GPC5: variants seen among roughly 807,000 people sequenced by gnomAD.
GPC5 encodes the protein glypican 5.
GPC5 carries 47 observed loss-of-function variants against 53.9 expected under a neutral mutation model. The ratio of observed to expected loss-of-function variants is 0.87; its 90% CI spans 0.69 to 1.11. The LOEUF (loss-of-function observed/expected upper bound fraction) is 1.11, where lower values mean the gene tolerates loss of function less well. Among genes scored for constraint, GPC5 ranks in the 50% most tolerant of loss-of-function variants. GPC5 has a pLI of 0.00. For missense variants in GPC5, 748 were observed against 713.1 expected, an observed-to-expected ratio of 1.05 and a Z score of -0.56; for synonymous variants, 286 against 263.3, an observed-to-expected ratio of 1.09 and a Z score of -0.84.
chr13:91,608,892 T>C (rs1299857218), intron 2 of GPC5, among the ~76,000 whole-genome samples: 1 of 151,094 alleles, frequency 6.6e-6, no homozygotes, highest in Non-Finnish European at 1.5e-5. Context: ...CCTTTGATCA[T>C]AGGGAAGGTA....
intron 7 of GPC5, among the ~76,000 whole-genome samples, chr13:92,432,688 T>C (rs1361387080): frequency 6.6e-6 from 1 of 152,092 alleles, no homozygotes; most frequent in Non-Finnish European, 1.5e-5. Context: ...AACTAGTTTT[T>C]TTTTAGCTTC....
intron 7 of GPC5, among the ~76,000 whole-genome samples, chr13:92,572,317 T>G (rs1410353664): frequency 6.6e-6 from 1 of 152,214 alleles, no homozygotes; most frequent in Non-Finnish European, 1.5e-5. Context: ...AATGACCTTC[T>G]TTGTCAGGAA....
chr13:91,577,451 G>T (rs559848987), intron 2 of GPC5, among the ~76,000 whole-genome samples: 1 of 152,144 alleles, frequency 6.6e-6, no homozygotes, highest in African/African-American at 2.4e-5. Flanking sequence ...CCTTGCAGAA[G>T]AGCCCTAGGG....
At chr13:92,441,960 C>T (rs1460088193) in intron 7 of GPC5, among the ~76,000 whole-genome samples, 1 of 152,090 alleles carries the variant, frequency 6.6e-6, no homozygotes, top group Non-Finnish European at 1.5e-5. Flanking sequence ...GCAGTCAGGA[C>T]CATATACTTG....
intron 7 of GPC5, among the ~76,000 whole-genome samples, chr13:92,266,932 A>G (rs2042806287): frequency 1.3e-5 from 2 of 152,074 alleles, no homozygotes; most frequent in Admixed American, 1.3e-4. Flanking sequence ...GAGCACTGCA[A>G]AAACAGAAGT....
rs1385604333 is a variant in GPC5, at chr13:92,724,190, CTACTTCTTCAGTA to C, written c.1562-142089_1562-142077del. 4.0e-5 allele frequency among the ~76,000 whole-genome samples: 6 copies of C among 151,484 alleles called. No individual in the cohort carries two copies. In the East Asian group the frequency reaches 1.2e-3, roughly 29 times the overall value. On this transcript the variant is annotated intron_variant, in intron 7 of 7. Coordinates refer to ENST00000377067, the MANE Select transcript of GPC5 (RefSeq NM_004466.6). ...TTCTAGGTCAAAAAATAAATTAAGGCTACTTCTTCAGTATAAGATATTTTTCTCAAAAATAAGT... is the reference window on the plus strand; with the variant it reads ...TTCTAGGTCAAAAAATAAATTAAGGCTAAGATATTTTTCTCAAAAATAAGT...
At chr13:92,819,841 A>C (rs1877613237) in intron 7 of GPC5, among the ~76,000 whole-genome samples, 2 of 152,188 alleles carry the variant, frequency 1.3e-5, no homozygotes, top group African/African-American at 4.8e-5. Context: ...TTTTAGTTCT[A>C]ATTTGATGTC....
chr13:91,701,191 T>C (rs2035984478), intron 3 of GPC5, among the ~76,000 whole-genome samples: 1 of 152,194 alleles, frequency 6.6e-6, no homozygotes, highest in African/African-American at 2.4e-5. Flanking sequence ...CTTCACCTCA[T>C]GTACACATTT....
intron 7 of GPC5, among the ~76,000 whole-genome samples, chr13:92,270,479 G>A (rs965960946): frequency 2.6e-5 from 4 of 152,180 alleles, no homozygotes; most frequent in Non-Finnish European, 2.9e-5. Context: ...GTGATTGTAA[G>A]TTTGTGGAGG....
chr13:92,818,116 G>A (rs1347508444), intron 7 of GPC5, among the ~76,000 whole-genome samples: 1 of 150,850 alleles, frequency 6.6e-6, no homozygotes, highest in Non-Finnish European at 1.5e-5. Context: ...GGGTTCAAGT[G>A]ATTGTCCTGC....
chr13:91,765,419 G>A (rs1026299620), intron 5 of GPC5, among the ~76,000 whole-genome samples: 3 of 152,218 alleles, frequency 2.0e-5, no homozygotes, highest in African/African-American at 7.2e-5. Context: ...TGAAAGTGAG[G>A]GGTGTATGCC....
chr13:91,564,705 A>G (rs1056048609), intron 2 of GPC5, among the ~76,000 whole-genome samples: 2 of 152,142 alleles, frequency 1.3e-5, no homozygotes, highest in Non-Finnish European at 2.9e-5. Flanking sequence ...ATGGGTGTAA[A>G]TGGAGATAAA....
At chr13:92,337,303 A>C (rs1248651267) in intron 7 of GPC5, among the ~76,000 whole-genome samples, 1 of 152,156 alleles carries the variant, frequency 6.6e-6, no homozygotes, top group Non-Finnish European at 1.5e-5. Flanking sequence ...GAAGAACTAC[A>C]CAAATGGAGA....
At chr13:91,938,894 C>A (rs532505472) in intron 6 of GPC5, among the ~76,000 whole-genome samples, 1 of 152,014 alleles carries the variant, frequency 6.6e-6, no homozygotes, top group African/African-American at 2.4e-5. Context: ...TTTCTGTTTT[C>A]TTAGTGATAA....
intron 6 of GPC5, among the ~76,000 whole-genome samples, chr13:92,093,651 A>G (rs537169699): frequency 6.6e-6 from 1 of 152,320 alleles, no homozygotes; most frequent in South Asian, 2.1e-4. Context: ...AGGTAATGGT[A>G]TATGAAACCC....
At chr13:92,077,958 A>G (rs927350445) in intron 6 of GPC5, among the ~76,000 whole-genome samples, 5 of 149,824 alleles carry the variant, frequency 3.3e-5, no homozygotes, top group African/African-American at 1.2e-4. Flanking sequence ...GTTGAGATAG[A>G]TAATAGATAG....
chr13:91,861,409 C>T (rs911506311), intron 5 of GPC5, among the ~76,000 whole-genome samples: 3 of 151,990 alleles, frequency 2.0e-5, no homozygotes, highest in Admixed American at 6.5e-5. Context: ...GTCAGTGCCC[C>T]CTTTGGCATA....
intron 7 of GPC5, among the ~76,000 whole-genome samples, chr13:92,273,666 C>CA (rs34290140): frequency 0.09 from 13,638 of 150,886 alleles, 649 homozygotes; most frequent in Middle Eastern, 0.12. Context: ...TTAAAAATGG[C>CA]AAAAAAAATG....
At chr13:91,877,290 C>T (rs760005848) in intron 5 of GPC5, among the ~76,000 whole-genome samples, 6 of 152,232 alleles carry the variant, frequency 3.9e-5, no homozygotes, top group African/African-American at 9.6e-5. Context: ...GTAGATCCAC[C>T]GACAGTTTGC....
Sources: gnomAD v4.1 joint callset for allele counts (sites outside exome capture counted in the v4.1 genomes callset) on GRCh38, gnomAD v4.1.1 for gene constraint, MANE v1.5 for transcripts, NCBI Gene and HGNC (gene_info 2026-07-23, HGNC 2026-07-21) for gene names.